Variants in NEO1 observed in about 807,000 individuals in gnomAD.
NEO1 encodes neogenin.
In NEO1, 63 loss-of-function variants were observed where a neutral mutation model predicts 159.7. That is an observed-to-expected ratio of 0.39 (90% CI 0.32 to 0.49). The LOEUF is 0.49. Ranked by LOEUF, NEO1 falls within the 20% of genes least tolerant of loss-of-function variation. The pLI is 0.85. For missense variants in NEO1, 1,615 were observed against 1,831.0 expected (o/e 0.88, Z 2.15); for synonymous variants, 633 against 662.0 (o/e 0.96, Z 0.67).
chr15:73,266,081 A>G (rs1342522644), intron 15 of NEO1, among the ~76,000 whole-genome samples: 10 of 152,206 alleles, frequency 6.6e-5, no homozygotes, highest in African/African-American at 2.2e-4. Flanking sequence ...AGAGAATTCA[A>G]ACACAGCCCA....
intron 5 of NEO1, among the ~76,000 whole-genome samples, chr15:73,158,208 CTTTT>C (rs1047852394): frequency 1.1e-4 from 9 of 82,556 alleles, no homozygotes; most frequent in African/African-American, 3.6e-4. Flanking sequence ...GAGTGAGACT[CTTTT>C]TTTTTTTTTT....
At chr15:73,301,965 G>A (rs1028560558) in intron 28 of NEO1, among the ~76,000 whole-genome samples, 5 of 152,140 alleles carry the variant, frequency 3.3e-5, no homozygotes, top group Admixed American at 6.5e-5. Context: ...CACCACGCTC[G>A]GCCCCCATAT....
rs188459207 is a variant in NEO1, at chr15:73,263,337, G to C, written c.2398+2872G>C. Among the ~76,000 whole-genome samples the C allele has an allele frequency of 7.9e-3, 1,205 of 151,968 alleles. 18 individuals are homozygous for C. The highest frequency in any genetic ancestry group is 0.028 in the African/African-American group (1,156 of 41,466). On this transcript the variant is annotated intron_variant, in intron 15 of 28. Coordinates refer to ENST00000261908, the MANE Select transcript of NEO1 (RefSeq NM_002499.4). ...ACCTCCTGAGTAGCTGGGATTACAGGCTTGCGCCACCATGCCCAGCTAATT... is the reference window on the plus strand; with the variant it reads ...ACCTCCTGAGTAGCTGGGATTACAGCCTTGCGCCACCATGCCCAGCTAATT...
At chr15:73,190,549 T>C (rs368837355) in intron 7 of NEO1, among the ~76,000 whole-genome samples, 2 of 152,246 alleles carry the variant, frequency 1.3e-5, no homozygotes, top group East Asian at 1.9e-4. Context: ...TAGCATTGAA[T>C]AATAGAAGTT....
Position 73,176,567 on chromosome 15 carries a change from T to C in NEO1, c.1170+10T>C. On this transcript the variant is annotated intron_variant, in intron 6 of 28. Coordinates refer to ENST00000261908, the MANE Select transcript of NEO1 (RefSeq NM_002499.4). The stretch of plus-strand genomic sequence containing the variant: ...TTATTTTAAGATTGTAGTAAGTATT[T>C]TTCAAAGAAGTGTGTTTATTTCTGT... The C allele has an allele frequency of 6.3e-7, 1 of 1,599,528 alleles. No individual in the cohort carries two copies. Among genetic ancestry groups the C allele is most frequent in the Non-Finnish European group, 8.5e-7 (1 of 1,172,628 alleles).
chr15:73,298,378 C>T lies in NEO1; in HGVS notation c.3932C>T (p.Thr1311Ile). The T allele has an allele frequency of 6.2e-7, 1 of 1,614,212 alleles. No individual in the cohort carries two copies. The highest frequency in any genetic ancestry group is 1.1e-5 in the South Asian group (1 of 91,086). ...ESVRNTPSTD[T>I]MPASSSQTCC... Reference sequence around the variant, plus strand: ...GTTCGAAATACCCCCAGCACTGACACCATGCCAGCCTCTTCGTCTCAAACA... The same window carrying T: ...GTTCGAAATACCCCCAGCACTGACATCATGCCAGCCTCTTCGTCTCAAACA... The change falls in exon 27 of 29, where the codon ACC becomes ATC. Residue 1311 changes from threonine (T) to isoleucine (I), a missense_variant. Physicochemically the swap from Thr to Ile is moderately conservative, Grantham distance 89. Coordinates refer to ENST00000261908, the MANE Select transcript of NEO1 (RefSeq NM_002499.4).
chr15:73,069,123 GTATTTTTTT>G (rs72000655), intron 1 of NEO1, among the ~76,000 whole-genome samples: 18,960 of 113,680 alleles, frequency 0.17, 1,825 homozygotes, highest in African/African-American at 0.3. Context: ...GCTAATTTTT[GTATTTTTTT>G]TTTTTTTTTT....
At chr15:73,148,249 A>C (rs571033423) in intron 5 of NEO1, among the ~76,000 whole-genome samples, 2 of 152,180 alleles carry the variant, frequency 1.3e-5, no homozygotes, top group African/African-American at 4.8e-5. Context: ...TTTTAATTAT[A>C]TTGTCAGTAA....
At chr15:73,111,448 C>T (rs1425285034) in intron 1 of NEO1, among the ~76,000 whole-genome samples, 1 of 152,042 alleles carries the variant, frequency 6.6e-6, no homozygotes, top group Non-Finnish European at 1.5e-5. Flanking sequence ...AATATTTAGA[C>T]AATACCAAAG....
chr15:73,172,477 T>C (rs1232044945), intron 5 of NEO1, among the ~76,000 whole-genome samples: 1 of 152,220 alleles, frequency 6.6e-6, no homozygotes, highest in Non-Finnish European at 1.5e-5. Context: ...CTAAAGATCT[T>C]AGTGTACTTA....
rs182130983 is a variant in NEO1, at chr15:73,253,475, A to G, written c.1944+26A>G. 3.7e-4 allele frequency: 584 copies of G among 1,557,876 alleles called. 1 individual carries two copies. In the African/African-American group the frequency reaches 7.4e-3, roughly 20 times the overall value. On this transcript the variant is annotated intron_variant, in intron 12 of 28. Transcript: ENST00000261908. ...GTAAAACTGTATGATGCTGCTGTTC[A>G]TTTTTACTGGTATACTGTTGCGCCT...
chr15:73,116,849 T>C lies in NEO1; in HGVS notation c.440T>C (p.Ile147Thr), dbSNP rs755105328. The change falls in exon 2 of 29, where the codon ATA becomes ACA. Residue 147 changes from isoleucine to threonine, a missense_variant. Transcript: ENST00000261908. ...GTIISRTAKLIVAGLPRFTSQ... is the reference protein window; with the variant it reads ...GTIISRTAKLTVAGLPRFTSQ... Reference sequence around the variant, plus strand: ...ATTATCAGTAGAACAGCGAAGCTCATAGTAGCAGGTAAGTTTTAAGTGATT... The same window carrying C: ...ATTATCAGTAGAACAGCGAAGCTCACAGTAGCAGGTAAGTTTTAAGTGATT... 1 of 1,538,998 alleles carries C rather than the reference T, an allele frequency of 6.5e-7. No individual in the cohort carries two copies. Among genetic ancestry groups the C allele is most frequent in the East Asian group, 2.3e-5 (1 of 43,796 alleles).
chr15:73,122,586 T>A lies in NEO1; in HGVS notation c.510T>A (p.Ile170=), dbSNP rs746417822. Residue 170 remains isoleucine (I), a synonymous_variant, in exon 3 of 29, where the codon ATT becomes ATA. Coordinates refer to ENST00000261908, the MANE Select transcript of NEO1 (RefSeq NM_002499.4). ...PSSVYAGNNA[I]LNCEVNADLV... ...CAGTTTATGCTGGGAACAATGCAAT[T>A]CTGAATTGTGAAGTTAATGCAGATT... 2 of 1,614,130 alleles carry A rather than the reference T, an allele frequency of 1.2e-6. No homozygotes were observed. Among genetic ancestry groups the A allele is most frequent in the Non-Finnish European group, 1.7e-6 (2 of 1,179,978 alleles).
At chr15:73,249,871 C>A in intron 11 of NEO1, 150 bp downstream of exon 11, 1 of 866,798 alleles carries the variant, frequency 1.2e-6, no homozygotes, top group Non-Finnish European at 1.7e-6. Context: ...GTCTGAACAT[C>A]TTTTTTCACG....
rs145681498 is a variant in NEO1, at chr15:73,079,477, T to C, written c.130+26672T>C. Among the ~76,000 whole-genome samples the C allele has an allele frequency of 8.6e-3, 1,308 of 152,364 alleles. 22 individuals are homozygous for C. The highest frequency in any genetic ancestry group is 0.03 in the African/African-American group (1,233 of 41,580). Reference sequence around the variant, plus strand: ...AAGTGTACTATTCAATCAATTTTGCTGTTGGTACTATTCAATCAAATAGGC... The same window carrying C: ...AAGTGTACTATTCAATCAATTTTGCCGTTGGTACTATTCAATCAAATAGGC... On this transcript the variant is annotated intron_variant, in intron 1 of 28. Transcript: ENST00000261908.
At chr15:73,249,463 T>C (rs1245797314) in intron 10 of NEO1, 120 bp from the exon 11 acceptor site, 2 of 1,139,574 alleles carry the variant, frequency 1.8e-6, no homozygotes, top group Non-Finnish European at 2.4e-6. Flanking sequence ...TGAAGAACCT[T>C]ATGTAGAAGG....
chr15:73,240,279 T>A (rs2039426637), intron 8 of NEO1, among the ~76,000 whole-genome samples: 1 of 152,172 alleles, frequency 6.6e-6, no homozygotes, highest in Admixed American at 6.5e-5. Flanking sequence ...TTATGATAGA[T>A]TGTGGGTTGG....
intron 1 of NEO1, among the ~76,000 whole-genome samples, chr15:73,061,342 C>T (rs1280621049): frequency 6.6e-6 from 1 of 152,220 alleles, no homozygotes; most frequent in East Asian, 1.9e-4. Context: ...TGGATATTGC[C>T]TACCCCTGGC....
At chr15:73,239,173 G>A (rs2039363107) in intron 8 of NEO1, among the ~76,000 whole-genome samples, 1 of 152,052 alleles carries the variant, frequency 6.6e-6, no homozygotes, top group South Asian at 2.1e-4. Flanking sequence ...TATAAAGCTG[G>A]CAAAAATTTT....
Sources: allele counts gnomAD v4.1 joint callset (sites outside exome capture counted in the v4.1 genomes callset), GRCh38; gene constraint gnomAD v4.1.1; transcripts MANE v1.5; gene names NCBI Gene and HGNC (gene_info 2026-07-23, HGNC 2026-07-21).